The following CELSR3 variants were observed in gnomAD, a reference collection of about 807,000 sequenced individuals.
CELSR3 encodes EGF-like protein 1.
In CELSR3, 73 loss-of-function variants were observed where a neutral mutation model predicts 270.0. The observed-to-expected ratio is 0.27, with a 90% CI of 0.22 to 0.33. The LOEUF is 0.33. CELSR3 is among the 10% of genes least tolerant of loss of function. The pLI is 1.00. For missense variants in CELSR3, 3,614 were observed against 4,533.8 expected, an observed-to-expected ratio of 0.80 and a Z score of 5.83; for synonymous variants, 1,780 against 1,905.4, an observed-to-expected ratio of 0.93 and a Z score of 1.71.
At position 48,659,830 on chromosome 3, in the gene CELSR3, G is replaced by A. The variant is rs1559482000; in HGVS notation, c.2805C>T (p.Asp935=). 6.2e-7 allele frequency: 1 copy of A among 1,614,202 alleles called. No individual in the cohort carries two copies. The highest frequency in any genetic ancestry group is 2.2e-5 in the East Asian group (1 of 44,890). The part of the protein sequence containing the change: ...VTYTLAITAR[D]NGIPQKADTT... ...TGTCTGCCTTCTGTGGGATGCCATT[G>A]TCCCGAGCTGTGATAGCCAGGGTGT... The change falls in exon 1 of 35, where the codon GAC becomes GAT. Residue 935 remains aspartate (D), a synonymous_variant. Coordinates refer to ENST00000164024, the MANE Select transcript of CELSR3 (RefSeq NM_001407.3). This position sits in a 1 kb window ranked among gnomAD's most constrained non-coding sequence, Gnocchi z 8.1.
Position 48,641,037 on chromosome 3 carries a change from G to A in CELSR3, c.9025+287C>T. 1 of 448,214 alleles carries A rather than the reference G, an allele frequency of 2.2e-6. No individual in the cohort carries two copies. The highest frequency in any genetic ancestry group is 2.0e-5 in the African/African-American group (1 of 49,818). The allele number at this position is 448,214 out of a possible 1,614,324, so 27.8% of individuals were successfully genotyped here. ...ACGGGCTCTGGGATCTGGGTGGGGGGCAGGGGGAAGCAGCTCCTAGGGTCT... is the reference window on the plus strand; with the variant it reads ...ACGGGCTCTGGGATCTGGGTGGGGGACAGGGGGAAGCAGCTCCTAGGGTCT... On this transcript the variant is annotated intron_variant, in intron 33 of 34. Coordinates refer to ENST00000164024, the MANE Select transcript of CELSR3 (RefSeq NM_001407.3). This position sits in a 1 kb window ranked among gnomAD's most constrained non-coding sequence, Gnocchi z 4.8.
Position 48,655,900 on chromosome 3 carries a change from G to T in CELSR3, c.4626-49C>A. 1 of 1,385,020 alleles carries T rather than the reference G, an allele frequency of 7.2e-7. No individual in the cohort carries two copies. Among genetic ancestry groups the T allele is most frequent in the Non-Finnish European group, 1.0e-6 (1 of 994,720 alleles). The allele number at this position is 1,385,020 out of a possible 1,614,324, so 85.8% of individuals were successfully genotyped here. ...CGGGGGTGGGAGCGTCAGGAGCAGG[G>T]TACCACTTCACACCCACCATCCCTG... On this transcript the variant is annotated intron_variant, in intron 3 of 34. Transcript: ENST00000164024. This position sits in a 1 kb window ranked among gnomAD's most constrained non-coding sequence, Gnocchi z 5.8.
rs371627781 is a variant in CELSR3, at chr3:48,640,120, C to T, written c.9465G>A (p.Thr3155=). ...DLGAPREWLS[T]LPPPRRTRDL... is the part of the protein sequence containing the mutation. Reference sequence around the variant, plus strand: ...CCCGGGTGCGGCGGGGCGGAGGCAGCGTGCTCAACCACTCTCGAGGTGCCC... The same window carrying T: ...CCCGGGTGCGGCGGGGCGGAGGCAGTGTGCTCAACCACTCTCGAGGTGCCC... The change falls in exon 34 of 35, where the codon ACG becomes ACA. Residue 3155 remains threonine, a synonymous_variant. Transcript: ENST00000164024. This position sits in a 1 kb window ranked among gnomAD's most constrained non-coding sequence, Gnocchi z 7.5. 4.3e-5 allele frequency: 70 copies of T among 1,611,806 alleles called. No individual in the cohort carries two copies. In the South Asian group the frequency reaches 5.5e-4, roughly 13 times the overall value.
Position 48,642,385 on chromosome 3 carries a change from C to G in CELSR3, c.8638G>C (p.Asp2880His). ...LQAHAGPTDL[D>H]VAMFHRDAGA... ...GCATCTCGATGGAACATGGCCACGT[C>G]CAGGTCAGTGGGGCCAGCATGAGCC... Residue 2880 changes from aspartate (D) to histidine (H), a missense_variant, in exon 31 of 35, where the codon GAC (aspartate) becomes CAC (histidine). Physicochemically the swap from Asp to His is moderately conservative, Grantham distance 81. Coordinates refer to ENST00000164024, the MANE Select transcript of CELSR3 (RefSeq NM_001407.3). The surrounding 1 kb of genome is among the most constrained non-coding windows in gnomAD (Gnocchi z 6.1). The G allele has an allele frequency of 6.2e-7, 1 of 1,613,242 alleles. No homozygotes were observed. The highest frequency in any genetic ancestry group is 8.5e-7 in the Non-Finnish European group (1 of 1,179,896).
intron 2 of CELSR3, 106 bp from the exon 3 acceptor site, chr3:48,656,471 G>T: frequency 1.7e-6 from 2 of 1,192,456 alleles, no homozygotes; most frequent in Non-Finnish European, 2.2e-6. Context: ...CCCCCGAAAG[G>T]TCGCCCTCTT....
chr3:48,661,710 A>G lies in CELSR3; in HGVS notation c.925T>C (p.Ser309Pro). The G allele has an allele frequency of 6.4e-7, 1 of 1,573,108 alleles. No homozygotes were observed. The highest frequency in any genetic ancestry group is 8.6e-7 in the Non-Finnish European group (1 of 1,158,868). Residue 309 changes from serine to proline, a missense_variant, in exon 1 of 35, where the codon TCG becomes CCG. By Grantham distance (74) the Ser-to-Pro change is moderately conservative. Transcript: ENST00000164024. ...PARPEARKVTSANRARFRRAA... is the reference protein window; with the variant it reads ...PARPEARKVTPANRARFRRAA... ...CGACGAAAGCGTGCCCGGTTCGCCG[A>G]GGTTACTTTCCTGGCTTCAGGACGG...
At position 48,645,381 on chromosome 3, in the gene CELSR3, C is replaced by A. The variant is rs761865727; in HGVS notation, c.7797+62G>T. ...CCTGACCTCTGACCCTGAGTTTTGG[C>A]CCCAGGCCTCCTGGGCCAGTAGGGT... On this transcript the variant is annotated intron_variant, in intron 24 of 34. Coordinates refer to ENST00000164024, the MANE Select transcript of CELSR3 (RefSeq NM_001407.3). This position sits in a 1 kb window ranked among gnomAD's most constrained non-coding sequence, Gnocchi z 5.4. 6.2e-7 allele frequency: 1 copy of A among 1,600,034 alleles called. No homozygotes were observed. The highest frequency in any genetic ancestry group is 8.6e-7 in the Non-Finnish European group (1 of 1,169,016).
Position 48,645,867 on chromosome 3 carries a change from C to A in CELSR3, c.7465G>T (p.Ala2489Ser). ...GCTGTCCACACACCATGCTGCTCCG[C>A]CCTGCAGCCACAGGGCAGTTAGACA... ...ICVQWDPPGL[A>S]EQHGVWTARD... Residue 2489 changes from alanine to serine, a missense_variant and splice_region_variant, in exon 23 of 35, where the codon GCG becomes TCG. Physicochemically the swap from Ala to Ser is moderately conservative, Grantham distance 99. This residue lies in a region of CELSR3 where 1,240 missense variants were observed against 1,351.7 expected (regional missense o/e 0.92). Coordinates refer to ENST00000164024, the MANE Select transcript of CELSR3 (RefSeq NM_001407.3). The surrounding 1 kb of genome is among the most constrained non-coding windows in gnomAD (Gnocchi z 5.4). The A allele has an allele frequency of 6.3e-7, 1 of 1,594,672 alleles. No individual in the cohort carries two copies. Among genetic ancestry groups the A allele is most frequent in the Middle Eastern group, 1.7e-4 (1 of 5,972 alleles).
At chr3:48,656,511 G>GC in intron 2 of CELSR3, 146 bp from the exon 3 acceptor site, 1 of 1,126,548 alleles carries the variant, frequency 8.9e-7, no homozygotes, top group Non-Finnish European at 1.2e-6. Flanking sequence ...GTCTGGCCCC[G>GC]CCCCCTCCCC....
chr3:48,639,354 C>T lies in CELSR3; in HGVS notation c.9911+320G>A, dbSNP rs1303799555. On this transcript the variant is annotated intron_variant, in intron 34 of 34. Transcript: ENST00000164024. This position sits in a 1 kb window ranked among gnomAD's most constrained non-coding sequence, Gnocchi z 4.1. ...CTGCCCCTTGCATATTCCAGGTCAT[C>T]TCCCACTTCTAGGCCTCAGCTCCTG... is the stretch of plus-strand genomic sequence containing the variant. Among the ~76,000 whole-genome samples, 1 of 152,208 alleles carries T rather than the reference C, an allele frequency of 6.6e-6. No homozygotes were observed. Among genetic ancestry groups the T allele is most frequent in the African/African-American group, 2.4e-5 (1 of 41,436 alleles).
Position 48,656,764 on chromosome 3 carries a change from G to A in CELSR3, c.4333C>T (p.Arg1445Cys). Residue 1445 changes from arginine to cysteine, a missense_variant, in exon 2 of 35, where the codon CGC becomes TGC. This residue lies in a region of CELSR3 where 1,331 missense variants were observed against 1,933.7 expected (regional missense o/e 0.69). Transcript: ENST00000164024. ...CGCCGCGCGCAGGCTCCGCCGTTGC[G>A]ACATGGGTTGGAGTAGCAGAGGTCG... ...ELDLCYSNPC[R>C]NGGACARREG... 1 of 1,559,582 alleles carries A rather than the reference G, an allele frequency of 6.4e-7. No homozygotes were observed.
rs1483752440 is a variant in CELSR3, at chr3:48,654,090, A to G, written c.5153-87T>C. The stretch of plus-strand genomic sequence containing the variant: ...AGGACTTTAGTGTCCAGAGGGGCTG[A>G]AAGAGACCAAGATCTCAGCCCCATT... On this transcript the variant is annotated intron_variant, in intron 7 of 34. Coordinates refer to ENST00000164024, the MANE Select transcript of CELSR3 (RefSeq NM_001407.3). This position sits in a 1 kb window ranked among gnomAD's most constrained non-coding sequence, Gnocchi z 5.4. 1.0e-5 allele frequency: 16 copies of G among 1,558,942 alleles called. No individual in the cohort carries two copies. The highest frequency in any genetic ancestry group is 1.4e-5 in the Non-Finnish European group (16 of 1,146,944).
rs761551480 is a variant in CELSR3, at chr3:48,659,462, T to C, written c.3173A>G (p.Gln1058Arg). Residue 1058 changes from glutamine to arginine, a missense_variant, in exon 1 of 35, where the codon CAG (glutamine) becomes CGG (arginine). Coordinates refer to ENST00000164024, the MANE Select transcript of CELSR3 (RefSeq NM_001407.3). The surrounding 1 kb of genome is among the most constrained non-coding windows in gnomAD (Gnocchi z 8.1). ...GACAGGTGCATTGTCGTTCACATCCTGCACCATCACCTGGATACTGACTGG... is the reference window on the plus strand; with the variant it reads ...GACAGGTGCATTGTCGTTCACATCCCGCACCATCACCTGGATACTGACTGG... Reference protein sequence around the residue: ...RTPVSIQVMVQDVNDNAPVFP... With the variant: ...RTPVSIQVMVRDVNDNAPVFP... The C allele has an allele frequency of 2.5e-6, 4 of 1,614,212 alleles. No homozygotes were observed. Among genetic ancestry groups the C allele is most frequent in the Non-Finnish European group, 3.4e-6 (4 of 1,180,044 alleles).
At position 48,654,082 on chromosome 3, in the gene CELSR3, A is replaced by T; in HGVS notation, c.5153-79T>A. 1 of 1,564,768 alleles carries T rather than the reference A, an allele frequency of 6.4e-7. No homozygotes were observed. Among genetic ancestry groups the T allele is most frequent in the South Asian group, 1.1e-5 (1 of 87,250 alleles). On this transcript the variant is annotated intron_variant, in intron 7 of 34. Coordinates refer to ENST00000164024, the MANE Select transcript of CELSR3 (RefSeq NM_001407.3). The surrounding 1 kb of genome is among the most constrained non-coding windows in gnomAD (Gnocchi z 5.4). Reference sequence around the variant, plus strand: ...TGCTGGACAGGACTTTAGTGTCCAGAGGGGCTGAAAGAGACCAAGATCTCA... The same window carrying T: ...TGCTGGACAGGACTTTAGTGTCCAGTGGGGCTGAAAGAGACCAAGATCTCA...
In CELSR3 at chr3:48,655,249, G is replaced by A. The variant is rs2047170087; in HGVS notation, c.4831-48C>T. On this transcript the variant is annotated intron_variant, in intron 5 of 34. Coordinates refer to ENST00000164024, the MANE Select transcript of CELSR3 (RefSeq NM_001407.3). The surrounding 1 kb of genome is among the most constrained non-coding windows in gnomAD (Gnocchi z 5.8). Reference sequence around the variant, plus strand: ...CAACAGTGCCCCCAGTAACCCCTGAGGAGCAGAAGTCAGCATCCCAACTCC... The same window carrying A: ...CAACAGTGCCCCCAGTAACCCCTGAAGAGCAGAAGTCAGCATCCCAACTCC... 2 of 1,613,988 alleles carry A rather than the reference G, an allele frequency of 1.2e-6. No homozygotes were observed. The highest frequency in any genetic ancestry group is 1.7e-6 in the Non-Finnish European group (2 of 1,179,936).
Position 48,639,983 on chromosome 3 carries a change from CGA to C in CELSR3, c.9600_9601del (p.Arg3201GlyfsTer8). ...GCTAGGCACCTGGTCCAGCTGCTCC[CGA>C]GAGTTCGAGCTCCTAGACAGAGAGT... On this transcript the variant is annotated frameshift_variant, in exon 34 of 35. Transcript: ENST00000164024. LOFTEE classifies it high-confidence loss of function. This position sits in a 1 kb window ranked among gnomAD's most constrained non-coding sequence, Gnocchi z 4.1. 1 of 1,612,660 alleles carries C rather than the reference CGA, an allele frequency of 6.2e-7. No individual in the cohort carries two copies. Among genetic ancestry groups the C allele is most frequent in the Non-Finnish European group, 8.5e-7 (1 of 1,180,006 alleles).
At chr3:48,656,675 C>T (rs940960597) in intron 2 of CELSR3, 23 bp downstream of exon 2, 2 of 1,464,836 alleles carry the variant, frequency 1.4e-6, no homozygotes, top group Non-Finnish European at 1.8e-6. Context: ...CTTCCCCCAG[C>T]TCTGGCCCGG....
Position 48,661,035 on chromosome 3 carries a change from T to C in CELSR3, c.1600A>G (p.Thr534Ala). Reference protein sequence around the residue: ...PRSATVRVHITVLDENDNAPQ... With the variant: ...PRSATVRVHIAVLDENDNAPQ... ...GCATTGTCGTTCTCGTCTAGCACAGTTATGTGTACGCGCACAGTGGCCGAG... is the reference window on the plus strand; with the variant it reads ...GCATTGTCGTTCTCGTCTAGCACAGCTATGTGTACGCGCACAGTGGCCGAG... The change falls in exon 1 of 35, where the codon ACT becomes GCT. Residue 534 changes from threonine (T) to alanine (A), a missense_variant. Thr to Ala is a moderately conservative substitution (Grantham distance 58). Coordinates refer to ENST00000164024, the MANE Select transcript of CELSR3 (RefSeq NM_001407.3). The C allele has an allele frequency of 6.2e-7, 1 of 1,613,802 alleles. No homozygotes were observed. Among genetic ancestry groups the C allele is most frequent in the Non-Finnish European group, 8.5e-7 (1 of 1,180,020 alleles).
intron 19 of CELSR3, 28 bp downstream of exon 19, chr3:48,648,238 G>GGCCCCCCCCAACCC: frequency 3.7e-6 from 5 of 1,342,622 alleles, no homozygotes; most frequent in Non-Finnish European, 5.3e-6. Context: ...CCCCTGCTGT[G>GGCCCCCCCCAACCC]CCCCGCCCTA....
Sources: allele counts gnomAD v4.1 joint callset (sites outside exome capture counted in the v4.1 genomes callset), GRCh38; gene constraint gnomAD v4.1.1; regional missense constraint gnomAD v4.1.1; non-coding constraint Gnocchi (gnomAD v3.1); transcripts MANE v1.5; gene names NCBI Gene and HGNC (gene_info 2026-07-23, HGNC 2026-07-21).